COL8A1: variants seen among roughly 807,000 people sequenced by gnomAD.
The protein encoded by COL8A1 is collagen alpha-1(VIII) chain.
COL8A1 carries 21 observed loss-of-function variants against 42.7 expected under a neutral mutation model. That is an observed-to-expected ratio of 0.49 (90% CI 0.35 to 0.71). The LOEUF is 0.71. Among genes scored for constraint, COL8A1 ranks in the 30% least tolerant of loss-of-function variants. The pLI is 0.01. For missense variants in COL8A1, 788 were observed against 962.4 expected, an observed-to-expected ratio of 0.82 and a Z score of 2.40; for synonymous variants, 367 against 369.1, an observed-to-expected ratio of 0.99 and a Z score of 0.06.
intron 1 of COL8A1, among the ~76,000 whole-genome samples, chr3:99,648,550 AAAAAC>A (rs779582715): frequency 6.6e-6 from 1 of 152,168 alleles, no homozygotes. Context: ...CAAACAAACA[AAAAAC>A]AAAACAAAAC....
At chr3:99,666,164 G>C (rs780651116) in intron 1 of COL8A1, among the ~76,000 whole-genome samples, 6 of 152,122 alleles carry the variant, frequency 3.9e-5, no homozygotes, top group South Asian at 2.1e-4. Context: ...ACCTTCACAA[G>C]GTTCTTGGCT....
At chr3:99,706,934 G>T (rs1236574118) in intron 1 of COL8A1, 2 of 152,116 alleles carry the variant, frequency 1.3e-5, no homozygotes, top group Non-Finnish European at 2.9e-5. Context: ...CAGTGCCTTG[G>T]ATTGTTTTAT....
chr3:99,755,212 G>C (rs772361353), intron 2 of COL8A1, among the ~76,000 whole-genome samples: 2 of 152,036 alleles, frequency 1.3e-5, no homozygotes, highest in Non-Finnish European at 2.9e-5. Flanking sequence ...ATAAGTGAGG[G>C]TTCATATATC....
intron 1 of COL8A1, chr3:99,703,498 A>C (rs1939598691): frequency 6.6e-6 from 1 of 152,222 alleles, no homozygotes; most frequent in African/African-American, 2.4e-5. Context: ...GGTTGTCCTA[A>C]TAGGGAGAAG....
chr3:99,725,313 T>A (rs1255503470), intron 1 of COL8A1, among the ~76,000 whole-genome samples: 1 of 152,054 alleles, frequency 6.6e-6, no homozygotes, highest in Non-Finnish European at 1.5e-5. Flanking sequence ...TAAACGTCTG[T>A]TTGAAAACTT....
At chr3:99,652,650 G>C (rs544892991) in intron 1 of COL8A1, among the ~76,000 whole-genome samples, 1 of 152,210 alleles carries the variant, frequency 6.6e-6, no homozygotes, top group East Asian at 1.9e-4. Context: ...GTTTGCTTAG[G>C]GAAAAGTGAT....
intron 1 of COL8A1, among the ~76,000 whole-genome samples, chr3:99,698,219 G>T (rs1022663528): frequency 2.6e-5 from 4 of 152,142 alleles, no homozygotes; most frequent in Non-Finnish European, 5.9e-5. Context: ...TCTATCATTG[G>T]TGGACATTTG....
Position 99,652,367 on chromosome 3 carries a change from A to G in COL8A1, c.-129+13703A>G, listed in dbSNP as rs146994880. 1.8e-3 allele frequency among the ~76,000 whole-genome samples: 271 copies of G among 152,348 alleles called. 1 individual carries two copies. Among genetic ancestry groups the G allele is most frequent in the African/African-American group, 6.1e-3 (253 of 41,592 alleles). Reference sequence around the variant, plus strand: ...ACAGTTTGCTACATTTATTTTATGTACATTCCTTCATTTGAATTTGGTAGG... The same window carrying G: ...ACAGTTTGCTACATTTATTTTATGTGCATTCCTTCATTTGAATTTGGTAGG... On this transcript the variant is annotated intron_variant, in intron 1 of 3. Transcript: ENST00000652472.
intron 1 of COL8A1, among the ~76,000 whole-genome samples, chr3:99,727,327 C>G (rs1467899849): frequency 2.0e-5 from 3 of 152,144 alleles, no homozygotes; most frequent in Middle Eastern, 6.8e-3. Flanking sequence ...AGACGATGGG[C>G]TTTTCTAGAT....
Position 99,795,018 on chromosome 3 carries a change from C to T in COL8A1, c.1117C>T (p.Pro373Ser). 1 of 1,607,720 alleles carries T rather than the reference C, an allele frequency of 6.2e-7. No individual in the cohort carries two copies. The highest frequency in any genetic ancestry group is 2.2e-5 in the East Asian group (1 of 44,758). Residue 373 changes from proline to serine, a missense_variant, in exon 4 of 4, where the codon CCA becomes TCA. Pro to Ser is a moderately conservative substitution (Grantham distance 74). Coordinates refer to ENST00000652472, the MANE Select transcript of COL8A1 (RefSeq NM_020351.4). Reference protein sequence around the residue: ...GMGGVPGALGPRGEKGPIGAP... With the variant: ...GMGGVPGALGSRGEKGPIGAP... ...GGGAGGTGTTCCTGGGGCTCTTGGA[C>T]CAAGAGGGGAGAAAGGACCAATAGG... is the stretch of plus-strand genomic sequence containing the variant.
At chr3:99,746,314 A>G (rs1377649805) in intron 2 of COL8A1, among the ~76,000 whole-genome samples, 1 of 152,228 alleles carries the variant, frequency 6.6e-6, no homozygotes, top group Non-Finnish European at 1.5e-5. Context: ...ATAAAAAAAT[A>G]CATGCTCATT....
At chr3:99,704,942 C>A (rs1181846382) in intron 1 of COL8A1, among the ~76,000 whole-genome samples, 1 of 152,072 alleles carries the variant, frequency 6.6e-6, no homozygotes, top group Non-Finnish European at 1.5e-5. Flanking sequence ...AAGTTCCCTG[C>A]AGGCAGTGTA....
intron 1 of COL8A1, among the ~76,000 whole-genome samples, chr3:99,696,150 A>G (rs532746126): frequency 4.5e-4 from 68 of 152,360 alleles, no homozygotes; most frequent in African/African-American, 1.5e-3. Flanking sequence ...AATTAAAAAA[A>G]CAAAGTAAGG....
At chr3:99,767,988 T>C (rs139758233) in intron 2 of COL8A1, among the ~76,000 whole-genome samples, 7 of 152,290 alleles carry the variant, frequency 4.6e-5, no homozygotes, top group African/African-American at 1.4e-4. Context: ...TAAAATACAA[T>C]GGAAGCTTGT....
intron 1 of COL8A1, chr3:99,678,381 GAT>G (rs1332118841): frequency 6.6e-6 from 1 of 152,030 alleles, no homozygotes; most frequent in African/African-American, 2.4e-5. Flanking sequence ...AAGTGCCTGG[GAT>G]ATTTTCCTCC....
chr3:99,776,954 T>A (rs1425930173), intron 2 of COL8A1, among the ~76,000 whole-genome samples: 1 of 152,204 alleles, frequency 6.6e-6, no homozygotes, highest in East Asian at 1.9e-4. Context: ...ATAACTAGCA[T>A]GTAACGAGCA....
chr3:99,747,158 A>G (rs1379096364), intron 2 of COL8A1, among the ~76,000 whole-genome samples: 1 of 152,186 alleles, frequency 6.6e-6, no homozygotes, highest in African/African-American at 2.4e-5. Flanking sequence ...TTAATAATCT[A>G]GAGTTTTCTT....
chr3:99,709,320 C>G (rs1303502054), intron 1 of COL8A1, among the ~76,000 whole-genome samples: 2 of 152,120 alleles, frequency 1.3e-5, no homozygotes, highest in Non-Finnish European at 2.9e-5. Flanking sequence ...AACGTCTGCT[C>G]TATACTGAGT....
At chr3:99,653,923 G>A (rs1013771837) in intron 1 of COL8A1, among the ~76,000 whole-genome samples, 4 of 152,068 alleles carry the variant, frequency 2.6e-5, no homozygotes, top group African/African-American at 9.7e-5. Flanking sequence ...TGGCTCACAT[G>A]ATCACAAGGT....
Sources: allele counts gnomAD v4.1 joint callset (sites outside exome capture counted in the v4.1 genomes callset), GRCh38; gene constraint gnomAD v4.1.1; transcripts MANE v1.5; gene names NCBI Gene and HGNC (gene_info 2026-07-23, HGNC 2026-07-21).